The following GNA13 variants were observed in gnomAD, a reference collection of about 807,000 sequenced individuals.
The protein encoded by GNA13 is guanine nucleotide-binding protein subunit alpha-13.
In GNA13, 4 loss-of-function variants were observed where a neutral mutation model predicts 33.5. That is an observed-to-expected ratio of 0.12 (90% CI 0.06 to 0.27). The LOEUF is 0.27. GNA13 is among the 10% of genes least tolerant of loss of function. The probability of loss-of-function intolerance (pLI) is 1.00; values close to 1 mark genes in which losing one functional copy is unlikely to be tolerated. For synonymous variants in GNA13, 176 were observed against 183.8 expected (o/e 0.96, Z 0.34); for missense variants, 319 against 487.2 (o/e 0.65, Z 3.25).
chr17:65,012,903 A>G lies in GNA13; in HGVS notation c.*1354T>C, dbSNP rs2143762919. 1 of 221,168 alleles carries G rather than the reference A, an allele frequency of 4.5e-6. No individual in the cohort carries two copies. Among genetic ancestry groups the G allele is most frequent in the Non-Finnish European group, 9.1e-6 (1 of 110,434 alleles). The allele number at this position is 221,168 out of a possible 1,614,324, so 13.7% of individuals were successfully genotyped here. On this transcript the variant is annotated 3_prime_UTR_variant, in exon 4 of 4. Transcript: ENST00000439174. ...CATACAGCCTAGAAGATAGTATTTC[A>G]GTACTGCAAACCAGCCATTCTGATG...
At chr17:65,017,100 G>T (rs1007788964) in intron 3 of GNA13, among the ~76,000 whole-genome samples, 4 of 151,972 alleles carry the variant, frequency 2.6e-5, no homozygotes, top group African/African-American at 9.7e-5. Flanking sequence ...GACGTTAAAG[G>T]TTACAAACAT....
chr17:65,044,582 A>T (rs1907585227), intron 2 of GNA13, among the ~76,000 whole-genome samples: 1 of 151,022 alleles, frequency 6.6e-6, no homozygotes, highest in Non-Finnish European at 1.5e-5. Flanking sequence ...GGGAGAATTA[A>T]TCGAACCCAG....
intron 2 of GNA13, among the ~76,000 whole-genome samples, chr17:65,050,891 T>C (rs1907836928): frequency 6.6e-6 from 1 of 152,226 alleles, no homozygotes; most frequent in Admixed American, 6.5e-5. Context: ...TCTCTCCTCA[T>C]CTTTGAGGAC....
intron 2 of GNA13, among the ~76,000 whole-genome samples, chr17:65,039,596 T>C (rs1254156460): frequency 6.6e-6 from 1 of 152,254 alleles, no homozygotes; most frequent in Non-Finnish European, 1.5e-5. Context: ...TGGAGCATTC[T>C]TCCCCCTCCT....
chr17:65,011,603 A>G lies in GNA13; in HGVS notation c.*2654T>C, dbSNP rs1906191695. On this transcript the variant is annotated 3_prime_UTR_variant, in exon 4 of 4. Coordinates refer to ENST00000439174, the MANE Select transcript of GNA13 (RefSeq NM_006572.6). ...CTGTATATACATTTCTTCAAGGTCA[A>G]TGAAGACACTTGTGTGATATTTCCT... 4.6e-6 allele frequency: 1 copy of G among 217,326 alleles called. No homozygotes were observed. Among genetic ancestry groups the G allele is most frequent in the Non-Finnish European group, 9.3e-6 (1 of 107,842 alleles). The allele number at this position is 217,326 out of a possible 1,614,324, so 13.5% of individuals were successfully genotyped here.
rs552747165 is a variant in GNA13, at chr17:65,010,256, G to C, written c.*4001C>G. 1.3e-5 allele frequency among the ~76,000 whole-genome samples: 2 copies of C among 151,948 alleles called. No homozygotes were observed. Among genetic ancestry groups the C allele is most frequent in the South Asian group, 4.1e-4 (2 of 4,826 alleles). ...AAATGATGTTGTTAATCACCTACCA[G>C]CCTAAGACTAGTATCTACTTGATGG... On this transcript the variant is annotated 3_prime_UTR_variant, in exon 4 of 4. Coordinates refer to ENST00000439174, the MANE Select transcript of GNA13 (RefSeq NM_006572.6).
chr17:65,017,411 A>C (rs1906407627), intron 3 of GNA13, among the ~76,000 whole-genome samples: 1 of 152,224 alleles, frequency 6.6e-6, no homozygotes, highest in African/African-American at 2.4e-5. Flanking sequence ...GTGAAGAAGA[A>C]GAAACCTGCC....
rs1906217443 is a variant in GNA13, at chr17:65,012,292, A to G, written c.*1965T>C. 1.3e-5 allele frequency: 3 copies of G among 223,480 alleles called. No homozygotes were observed. The highest frequency in any genetic ancestry group is 2.7e-5 in the Non-Finnish European group (3 of 112,012). 13.8% of individuals were successfully genotyped at this position (223,480 alleles called of 1,614,324 possible). ...TGGAGTCAAATGTTTTGGCCATTCA[A>G]TTTGCTAAATGTATGGGTAAACTCT... On this transcript the variant is annotated 3_prime_UTR_variant, in exon 4 of 4. Transcript: ENST00000439174.
chr17:65,038,605 T>A (rs1907348124), intron 2 of GNA13, among the ~76,000 whole-genome samples: 1 of 152,044 alleles, frequency 6.6e-6, no homozygotes. Context: ...AGAGACGGGG[T>A]TGCGGGGGGG....
intron 1 of GNA13, 62 bp downstream of exon 1, chr17:65,056,249 G>GCCCCCCCCCCCCCCCCCCCCCC: frequency 1.3e-6 from 1 of 774,830 alleles, no homozygotes. Context: ...GCCCCGCCCC[G>GCCCCCCCCCCCCCCCCCCCCCC]CACCCGCCGC....
At position 65,014,144 on chromosome 17, in the gene GNA13, A is replaced by G. The variant is rs143906965; in HGVS notation, c.*113T>C. The G allele has an allele frequency of 6.4e-5, 42 of 660,518 alleles. No homozygotes were observed. In the East Asian group the frequency reaches 1.1e-3, roughly 18 times the overall value. The allele number at this position is 660,518 out of a possible 1,614,324, so 40.9% of individuals were successfully genotyped here. On this transcript the variant is annotated 3_prime_UTR_variant, in exon 4 of 4. Transcript: ENST00000439174. The surrounding 1 kb of genome is among the most constrained non-coding windows in gnomAD (Gnocchi z 5.3). ...AGTACTAAGATTTTCAAGAAGTTAA[A>G]CGTAGAATTAAGATTGTTCTAATTC...
chr17:65,048,692 T>C (rs1481880880), intron 2 of GNA13, among the ~76,000 whole-genome samples: 2 of 152,186 alleles, frequency 1.3e-5, no homozygotes, highest in Non-Finnish European at 2.9e-5. Context: ...TACTAACAAA[T>C]GAGTAGTCTG....
chr17:65,053,062 G>A (rs992259579), intron 2 of GNA13: 1 of 156,676 alleles, frequency 6.4e-6, no homozygotes, highest in Non-Finnish European at 1.4e-5. Context: ...AATTTCTGAG[G>A]CTATAATTTT....
chr17:65,015,213 T>C (rs1906319550), intron 3 of GNA13, among the ~76,000 whole-genome samples: 1 of 152,178 alleles, frequency 6.6e-6, no homozygotes, highest in African/African-American at 2.4e-5. Context: ...CTACTCAAAA[T>C]TTAAGCTGAA....
At chr17:65,056,249 G>GCCCCCCCC in intron 1 of GNA13, 62 bp downstream of exon 1, 15 of 774,816 alleles carry the variant, frequency 1.9e-5, no homozygotes, top group Admixed American at 2.4e-5. Flanking sequence ...GCCCCGCCCC[G>GCCCCCCCC]CACCCGCCGC....
At chr17:65,045,131 G>C (rs752097686) in intron 2 of GNA13, among the ~76,000 whole-genome samples, 1 of 151,562 alleles carries the variant, frequency 6.6e-6, no homozygotes, top group Non-Finnish European at 1.5e-5. Context: ...TTACATAGAA[G>C]ACAGGCACTA....
intron 2 of GNA13, among the ~76,000 whole-genome samples, chr17:65,026,718 G>T (rs1016193544): frequency 5.3e-5 from 8 of 152,170 alleles, no homozygotes; most frequent in Admixed American, 5.2e-4. Context: ...TCATCAAAAT[G>T]TAACAGTGGT....
At position 65,055,973 on chromosome 17, in the gene GNA13, G is replaced by C. The variant is rs1217795880; in HGVS notation, c.283+338C>G. ...CATCCGCAGCGGGGAGGACAGGAGA[G>C]GTCTGCCCACACCCCGAGGCAGCAC... On this transcript the variant is annotated intron_variant, in intron 1 of 3. Transcript: ENST00000439174. Among the ~76,000 whole-genome samples the C allele has an allele frequency of 1.7e-4, 26 of 152,142 alleles. 1 individual carries two copies.
intron 2 of GNA13, among the ~76,000 whole-genome samples, chr17:65,032,248 A>C (rs917667562): frequency 6.6e-6 from 1 of 152,186 alleles, no homozygotes; most frequent in Admixed American, 6.5e-5. Context: ...TATGGCTAGT[A>C]AAAAGACAGA....
Sources: gnomAD v4.1 joint callset for allele counts (sites outside exome capture counted in the v4.1 genomes callset) on GRCh38, gnomAD v4.1.1 for gene constraint, Gnocchi (gnomAD v3.1) non-coding constraint, MANE v1.5 for transcripts, NCBI Gene and HGNC (gene_info 2026-07-23, HGNC 2026-07-21) for gene names.